The following UQCC1 variants were observed in gnomAD, a reference collection of about 807,000 sequenced individuals.
UQCC1 encodes ubiquinol-cytochrome c reductase complex assembly factor 1.
Under a neutral mutation model 48.0 loss-of-function variants are expected in UQCC1, and 38 were observed. The ratio of observed to expected loss-of-function variants is 0.79; its 90% CI spans 0.61 to 1.04. UQCC1 has a LOEUF of 1.04. Among genes scored for constraint, UQCC1 ranks in the 50% least tolerant of loss-of-function variants. The pLI, the probability that UQCC1 is intolerant of heterozygous loss-of-function variation, is 0.00. For synonymous variants in UQCC1, 111 were observed against 129.2 expected, an observed-to-expected ratio of 0.86 and a Z score of 0.95; for missense variants, 368 against 381.8, an observed-to-expected ratio of 0.96 and a Z score of 0.30.
chr20:35,366,431 AG>A (rs2061666951), intron 6 of UQCC1, 125 bp downstream of exon 6: 1 of 751,316 alleles, frequency 1.3e-6, no homozygotes, highest in African/African-American at 1.8e-5. Context: ...TTAAAATGAA[AG>A]GAACAGTTTT....
intron 5 of UQCC1, among the ~76,000 whole-genome samples, chr20:35,371,623 C>T (rs574680788): frequency 3.4e-4 from 51 of 149,106 alleles, no homozygotes; most frequent in African/African-American, 1.2e-3. Context: ...TGAGCCACCG[C>T]GCCCAGCCTG....
chr20:35,354,522 G>A (rs189955626), intron 6 of UQCC1, among the ~76,000 whole-genome samples: 86 of 151,654 alleles, frequency 5.7e-4, no homozygotes, highest in Admixed American at 2.4e-3. Context: ...TCAGCCTCCC[G>A]AGTAGCTGGG....
At chr20:35,386,150 C>T in intron 2 of UQCC1, 1 of 329,420 alleles carries the variant, frequency 3.0e-6, no homozygotes, top group South Asian at 2.6e-5. Context: ...TTAGAAAGAA[C>T]ACACAAGAAA....
chr20:35,364,553 C>T (rs1178889616), intron 6 of UQCC1, among the ~76,000 whole-genome samples: 1 of 152,196 alleles, frequency 6.6e-6, no homozygotes, highest in East Asian at 1.9e-4. Flanking sequence ...AACTGAAAAG[C>T]TACAGATTCT....
chr20:35,328,441 A>C (rs1437473540), intron 7 of UQCC1, among the ~76,000 whole-genome samples: 2 of 152,252 alleles, frequency 1.3e-5, no homozygotes, highest in Admixed American at 6.5e-5. Context: ...CATTGTTTAA[A>C]GAACCTCACA....
intron 7 of UQCC1, among the ~76,000 whole-genome samples, chr20:35,323,497 T>C (rs2061155643): frequency 6.6e-6 from 1 of 152,202 alleles, no homozygotes; most frequent in African/African-American, 2.4e-5. Context: ...GGAAAAGCCA[T>C]ATGCAAAGGT....
intron 1 of UQCC1, 124 bp from the exon 2 acceptor site, chr20:35,394,320 C>G: frequency 1.2e-6 from 1 of 830,384 alleles, no homozygotes; most frequent in Non-Finnish European, 1.9e-6. Flanking sequence ...TCTCTAGTTC[C>G]TGGCACAGAG....
At chr20:35,385,531 T>G (rs1196196348) in intron 2 of UQCC1, among the ~76,000 whole-genome samples, 1 of 152,188 alleles carries the variant, frequency 6.6e-6, no homozygotes, top group African/African-American at 2.4e-5. Context: ...AGACAAGGTC[T>G]GGCTCTATGG....
intron 5 of UQCC1, among the ~76,000 whole-genome samples, chr20:35,370,700 C>T (rs1180536204): frequency 1.3e-5 from 2 of 152,216 alleles, no homozygotes; most frequent in Non-Finnish European, 2.9e-5. Flanking sequence ...AGACAAAGCT[C>T]ACCAATAGAT....
chr20:35,377,812 C>A (rs1362014684), intron 4 of UQCC1, among the ~76,000 whole-genome samples: 1 of 152,204 alleles, frequency 6.6e-6, no homozygotes, highest in Admixed American at 6.5e-5. Flanking sequence ...GCTTCCCCAA[C>A]AACACGTTTG....
intron 5 of UQCC1, among the ~76,000 whole-genome samples, chr20:35,366,986 G>T (rs2061674841): frequency 6.7e-6 from 1 of 150,104 alleles, no homozygotes; most frequent in Admixed American, 6.7e-5. Context: ...CCCAGCTACT[G>T]AAGAGGCTGT....
intron 8 of UQCC1, among the ~76,000 whole-genome samples, chr20:35,313,822 G>T (rs2061023367): frequency 6.6e-6 from 1 of 151,896 alleles, no homozygotes; most frequent in Non-Finnish European, 1.5e-5. Flanking sequence ...GTTTCAGGCT[G>T]ATCTCAAACT....
intron 7 of UQCC1, chr20:35,346,898 C>T (rs909135397): frequency 3.3e-6 from 4 of 1,224,138 alleles, no homozygotes; most frequent in Non-Finnish European, 4.4e-6. Context: ...TCCCTCCTAT[C>T]ACCACGATTT....
intron 6 of UQCC1, among the ~76,000 whole-genome samples, chr20:35,353,405 A>AG: frequency 6.6e-6 from 1 of 151,972 alleles, no homozygotes; most frequent in East Asian, 1.9e-4. Flanking sequence ...AAAAAAAAAA[A>AG]AAAAAATTTA....
chr20:35,375,881 G>T (rs145210466), intron 4 of UQCC1, among the ~76,000 whole-genome samples: 1 of 150,532 alleles, frequency 6.6e-6, no homozygotes, highest in Non-Finnish European at 1.5e-5. Context: ...CCTGGAAGGC[G>T]GAGGTTGCAG....
chr20:35,312,381 C>G (rs1177870990), intron 8 of UQCC1, among the ~76,000 whole-genome samples: 1 of 152,086 alleles, frequency 6.6e-6, no homozygotes, highest in Non-Finnish European at 1.5e-5. Flanking sequence ...AAACTGAACT[C>G]CAGTTTCTTA....
At chr20:35,369,044 T>A (rs1247610388) in intron 5 of UQCC1, among the ~76,000 whole-genome samples, 1 of 152,252 alleles carries the variant, frequency 6.6e-6, no homozygotes, top group Non-Finnish European at 1.5e-5. Context: ...GAAATTTGGC[T>A]GCTTCTAAAG....
intron 1 of UQCC1, among the ~76,000 whole-genome samples, chr20:35,400,830 G>A (rs546615839): frequency 5.6e-4 from 85 of 152,184 alleles, no homozygotes; most frequent in African/African-American, 1.2e-3. Flanking sequence ...TCATGTTTTC[G>A]TTTCCCGTGC....
At chr20:35,362,518 G>C (rs917989347) in intron 6 of UQCC1, among the ~76,000 whole-genome samples, 2 of 152,006 alleles carry the variant, frequency 1.3e-5, no homozygotes. Context: ...CACCATGCCT[G>C]GATAATTTTT....
Sources: gnomAD v4.1 joint callset for allele counts (sites outside exome capture counted in the v4.1 genomes callset) on GRCh38, gnomAD v4.1.1 for gene constraint, MANE v1.5 for transcripts, NCBI Gene and HGNC (gene_info 2026-07-23, HGNC 2026-07-21) for gene names.